SLC7A14: variants seen among roughly 807,000 people sequenced by gnomAD.
SLC7A14 encodes the protein solute carrier family 7 member 14, also known as gamma-aminobutyric acid transporter SLC7A14.
SLC7A14 carries 37 observed loss-of-function variants against 60.2 expected under a neutral mutation model. That is an observed-to-expected ratio of 0.61 (90% CI 0.47 to 0.81). SLC7A14 has a LOEUF of 0.81. Ranked by LOEUF, SLC7A14 falls within the 30% of genes least tolerant of loss-of-function variation. The pLI is 0.00. For synonymous variants in SLC7A14, 399 were observed against 395.8 expected (o/e 1.01, Z -0.10); for missense variants, 886 against 982.7 (o/e 0.90, Z 1.32).
chr3:170,481,213 C>G, intron 6 of SLC7A14, 47 bp from the exon 7 acceptor site: 1 of 1,563,110 alleles, frequency 6.4e-7, no homozygotes, highest in Non-Finnish European at 8.7e-7. Flanking sequence ...CTACAGTGAC[C>G]GATTCCAGTG....
At chr3:170,580,553 G>T (rs556704579) in intron 1 of SLC7A14, among the ~76,000 whole-genome samples, 29 of 152,304 alleles carry the variant, frequency 1.9e-4, no homozygotes, top group Non-Finnish European at 2.9e-5. Context: ...TGCAACAAAG[G>T]CTTGAGGACA....
chr3:170,579,943 CG>C (rs1431949707), intron 1 of SLC7A14, among the ~76,000 whole-genome samples: 1 of 152,200 alleles, frequency 6.6e-6, no homozygotes, highest in Non-Finnish European at 1.5e-5. Flanking sequence ...CAGCAAGACA[CG>C]GTTCTCAGGA....
rs553550659 is a variant in SLC7A14, at chr3:170,505,702, A to G, written c.305-4357T>C. On this transcript the variant is annotated intron_variant, in intron 2 of 7. Transcript: ENST00000231706. ...AGAGTTTGAGACCAGCCTGGCCAAC[A>G]TGGTGAAACACCGTCTCTACTAAAA... Among the ~76,000 whole-genome samples the G allele has an allele frequency of 8.5e-5, 13 of 152,274 alleles. No individual in the cohort carries two copies. In the South Asian group the frequency reaches 1.5e-3, roughly 17 times the overall value.
chr3:170,501,167 T>C lies in SLC7A14; in HGVS notation c.483A>G (p.Leu161=), dbSNP rs1712596071. 1 of 1,614,186 alleles carries C rather than the reference T, an allele frequency of 6.2e-7. No homozygotes were observed. Residue 161 remains leucine, a synonymous_variant, in exon 3 of 8, where the codon CTA becomes CTG. Coordinates refer to ENST00000231706, the MANE Select transcript of SLC7A14 (RefSeq NM_020949.3). The part of the protein sequence containing the change: ...ASALSSMFDS[L]ANHTISRWMA... The stretch of plus-strand genomic sequence containing the variant: ...TCCAGCGGCTGATGGTGTGGTTGGC[T>C]AGTGAGTCAAACATGCTGCTCAGAG...
At position 170,467,111 on chromosome 3, in the gene SLC7A14, T is replaced by C; in HGVS notation, c.2260A>G (p.Lys754Glu). ...SSKAKSKSKH[K>E]QNSEALIAND... is the part of the protein sequence containing the mutation. ...GCAATCAGGGCCTCTGAGTTCTGTT[T>C]GTGTTTGCTTTTGCTCTTCGCTTTG... The change falls in exon 8 of 8, where the codon AAA becomes GAA. Residue 754 changes from lysine (K) to glutamate (E), a missense_variant. Transcript: ENST00000231706. 3 of 1,614,192 alleles carry C rather than the reference T, an allele frequency of 1.9e-6. No individual in the cohort carries two copies. The highest frequency in any genetic ancestry group is 2.5e-6 in the Non-Finnish European group (3 of 1,180,040).
intron 1 of SLC7A14, among the ~76,000 whole-genome samples, chr3:170,558,015 G>C (rs528225327): frequency 6.6e-6 from 1 of 152,138 alleles, no homozygotes; most frequent in Non-Finnish European, 1.5e-5. Flanking sequence ...GGGGCAAAAA[G>C]TCTGTCTGGT....
intron 1 of SLC7A14, among the ~76,000 whole-genome samples, chr3:170,583,247 G>T (rs1011592178): frequency 3.3e-5 from 5 of 152,264 alleles, no homozygotes; most frequent in East Asian, 3.9e-4. Flanking sequence ...TTTGTGAATT[G>T]CTGCTTCAGA....
At chr3:170,559,506 G>A (rs544296252) in intron 1 of SLC7A14, among the ~76,000 whole-genome samples, 9 of 152,094 alleles carry the variant, frequency 5.9e-5, no homozygotes, top group Admixed American at 1.3e-4. Flanking sequence ...TAAGAGATGC[G>A]GCAGTCACAA....
At chr3:170,525,678 G>C (rs923132029) in intron 2 of SLC7A14, among the ~76,000 whole-genome samples, 1 of 151,982 alleles carries the variant, frequency 6.6e-6, no homozygotes, top group African/African-American at 2.4e-5. Flanking sequence ...GTGTAAAGGA[G>C]AGTTAAAATA....
chr3:170,522,276 CT>C (rs1316814426), intron 2 of SLC7A14, among the ~76,000 whole-genome samples: 1 of 152,228 alleles, frequency 6.6e-6, no homozygotes, highest in Non-Finnish European at 1.5e-5. Context: ...AAACTAACAA[CT>C]TCACTCCTAA....
Position 170,480,578 on chromosome 3 carries a change from G to C in SLC7A14, c.1704C>G (p.Cys568Trp). 1 of 1,614,230 alleles carries C rather than the reference G, an allele frequency of 6.2e-7. No homozygotes were observed. The highest frequency in any genetic ancestry group is 2.2e-5 in the East Asian group (1 of 44,886). The change falls in exon 7 of 8, where the codon TGC becomes TGG. Residue 568 changes from cysteine to tryptophan, a missense_variant. Cys to Trp is a radical substitution (Grantham distance 215). Transcript: ENST00000231706. ...ACATGAGGATGAAGAGCAGGAGCAC[G>C]CAGATGGTCACCGTGTGCCCCGTCG... ...TAATGHTVTICVLLLFILMFI... is the reference protein window; with the variant it reads ...TAATGHTVTIWVLLLFILMFI...
intron 1 of SLC7A14, among the ~76,000 whole-genome samples, chr3:170,576,209 G>A (rs897540584): frequency 6.6e-6 from 1 of 152,156 alleles, no homozygotes. Context: ...ATAATTAGTG[G>A]GGATTACATC....
intron 4 of SLC7A14, among the ~76,000 whole-genome samples, chr3:170,492,667 T>G (rs1712259108): frequency 6.6e-6 from 1 of 152,166 alleles, no homozygotes; most frequent in South Asian, 2.1e-4. Flanking sequence ...GGCTTCTGCT[T>G]AGTTAATTGT....
chr3:170,563,805 C>T (rs999594971), intron 1 of SLC7A14, among the ~76,000 whole-genome samples: 1 of 152,128 alleles, frequency 6.6e-6, no homozygotes, highest in South Asian at 2.1e-4. Context: ...AATACATGCA[C>T]CCTCTTTGGT....
chr3:170,487,607 A>G (rs1207549756), intron 4 of SLC7A14, among the ~76,000 whole-genome samples: 1 of 152,248 alleles, frequency 6.6e-6, no homozygotes, highest in Non-Finnish European at 1.5e-5. Flanking sequence ...AAGACCAAAT[A>G]TGAAATACTA....
chr3:170,575,671 G>C (rs969360945), intron 1 of SLC7A14, among the ~76,000 whole-genome samples: 2 of 152,194 alleles, frequency 1.3e-5, no homozygotes, highest in Non-Finnish European at 2.9e-5. Context: ...GAACTGAGAG[G>C]AGGGACTAGG....
chr3:170,568,396 T>A (rs1398107679), intron 1 of SLC7A14, among the ~76,000 whole-genome samples: 2 of 152,268 alleles, frequency 1.3e-5, no homozygotes, highest in Non-Finnish European at 2.9e-5. Context: ...AGTACCATGC[T>A]GTTTTGGTTA....
chr3:170,509,176 C>A (rs1340936486), intron 2 of SLC7A14, among the ~76,000 whole-genome samples: 1 of 152,156 alleles, frequency 6.6e-6, no homozygotes, highest in Non-Finnish European at 1.5e-5. Context: ...GCAATTTTTA[C>A]AAAGGTGTCT....
intron 1 of SLC7A14, among the ~76,000 whole-genome samples, chr3:170,578,914 T>C (rs1259790272): frequency 6.6e-6 from 1 of 152,204 alleles, no homozygotes; most frequent in Non-Finnish European, 1.5e-5. Flanking sequence ...TCTTGCAACA[T>C]GGATGATGCT....
Sources: gnomAD v4.1 joint callset for allele counts (sites outside exome capture counted in the v4.1 genomes callset) on GRCh38, gnomAD v4.1.1 for gene constraint, MANE v1.5 for transcripts, NCBI Gene and HGNC (gene_info 2026-07-23, HGNC 2026-07-21) for gene names.